Variants in SLC5A4 observed in about 807,000 individuals in gnomAD.
SLC5A4 encodes the protein probable glucose sensor protein SLC5A4.
SLC5A4 carries 55 observed loss-of-function variants against 70.3 expected under a neutral mutation model. The observed-to-expected ratio is 0.78, with a 90% confidence interval of 0.63 to 0.98. The LOEUF (loss-of-function observed/expected upper bound fraction) is 0.98. Among genes scored for constraint, SLC5A4 ranks in the 50% least tolerant of loss-of-function variants. The pLI is 0.00. For synonymous variants in SLC5A4, 268 were observed against 305.7 expected, an observed-to-expected ratio of 0.88 and a Z score of 1.29; for missense variants, 735 against 839.2, an observed-to-expected ratio of 0.88 and a Z score of 1.53.
chr22:32,346,752 T>C, the SLC5A4 span, among the ~76,000 whole-genome samples: 119 of 146,238 alleles, frequency 8.1e-4, no homozygotes, highest in Non-Finnish European at 1.5e-3. Context: ...ATAAAAACCC[T>C]AGAAGAAAAC....
upstream of SLC5A4, among the ~76,000 whole-genome samples, chr22:32,257,659 C>CTT (rs58908133): frequency 8.5e-5 from 12 of 141,932 alleles, no homozygotes; most frequent in African/African-American, 3.2e-4. Flanking sequence ...GCAAGGTTTT[C>CTT]TTTTTTTTTT....
At chr22:32,309,272 A>T in the SLC5A4 span, among the ~76,000 whole-genome samples, 1 of 152,214 alleles carries the variant, frequency 6.6e-6, no homozygotes, top group Non-Finnish European at 1.5e-5. Context: ...CTCGTGAATC[A>T]CACACAGTTC....
At chr22:32,341,401 C>T in the SLC5A4 span, among the ~76,000 whole-genome samples, 1 of 152,020 alleles carries the variant, frequency 6.6e-6, no homozygotes, top group African/African-American at 2.4e-5. Context: ...TTCCCCTCAG[C>T]CCCTCCCTCC....
the SLC5A4 span, among the ~76,000 whole-genome samples, chr22:32,289,323 C>A: frequency 6.6e-6 from 1 of 152,116 alleles, no homozygotes; most frequent in African/African-American, 2.4e-5. Flanking sequence ...TGTGTCCTCA[C>A]CCAAATCTCA....
the SLC5A4 span, among the ~76,000 whole-genome samples, chr22:32,335,562 A>G: frequency 6.6e-6 from 1 of 151,976 alleles, no homozygotes; most frequent in East Asian, 1.9e-4. Context: ...GGTGGAGCTC[A>G]TTTGCTCTCT....
the SLC5A4 span, among the ~76,000 whole-genome samples, chr22:32,334,358 G>A: frequency 2.0e-4 from 30 of 152,188 alleles, no homozygotes; most frequent in African/African-American, 6.0e-4. Context: ...GCAACACCAC[G>A]TGTCTCTTGG....
chr22:32,335,576 C>A, the SLC5A4 span, among the ~76,000 whole-genome samples: 1 of 152,168 alleles, frequency 6.6e-6, no homozygotes, highest in Admixed American at 6.5e-5. Context: ...GCTCTCTGTG[C>A]CTACATCCAC....
the SLC5A4 span, among the ~76,000 whole-genome samples, chr22:32,352,438 CA>C: frequency 6.6e-6 from 1 of 151,524 alleles, no homozygotes; most frequent in Non-Finnish European, 1.5e-5. Flanking sequence ...ACTACCCTGA[CA>C]AAAAACCAAG....
chr22:32,221,775 G>A (rs1057420735), intron 13 of SLC5A4, among the ~76,000 whole-genome samples: 6 of 152,036 alleles, frequency 3.9e-5, no homozygotes, highest in African/African-American at 7.2e-5. Flanking sequence ...CAATAAGAAG[G>A]AGTTTCCATC....
the SLC5A4 span, among the ~76,000 whole-genome samples, chr22:32,333,196 A>ACCCCCCCCCC: frequency 2.2e-5 from 3 of 136,806 alleles, no homozygotes; most frequent in Non-Finnish European, 4.8e-5. Flanking sequence ...TAGCACTGGC[A>ACCCCCCCCCC]CCCCCCCCCC....
the SLC5A4 span, chr22:32,272,887 GTGC>G: frequency 1.9e-6 from 1 of 514,426 alleles, no homozygotes; most frequent in Non-Finnish European, 3.8e-6. Flanking sequence ...GCTGCTGAAC[GTGC>G]TGCCACACCA....
At chr22:32,346,388 C>T in the SLC5A4 span, among the ~76,000 whole-genome samples, 4 of 152,114 alleles carry the variant, frequency 2.6e-5, no homozygotes, top group East Asian at 7.7e-4. Flanking sequence ...AAAGAGCCCA[C>T]ATCGCCAAGT....
the SLC5A4 span, among the ~76,000 whole-genome samples, chr22:32,298,910 A>T: frequency 2.5e-4 from 25 of 98,088 alleles, no homozygotes; most frequent in East Asian, 6.0e-4. Context: ...TCCTTCACTT[A>T]TGAAGCTTAG....
the SLC5A4 span, among the ~76,000 whole-genome samples, chr22:32,347,200 AAAC>A: frequency 1.5e-4 from 23 of 152,276 alleles, no homozygotes; most frequent in African/African-American, 5.5e-4. Context: ...AAAAGTCAGG[AAAC>A]AACAGGTGCT....
chr22:32,325,474 C>G, the SLC5A4 span, among the ~76,000 whole-genome samples: 1 of 152,308 alleles, frequency 6.6e-6, no homozygotes, highest in East Asian at 1.9e-4. Context: ...CAGCCAAGGC[C>G]ATTCAGAGGA....
At chr22:32,270,886 C>T in the SLC5A4 span, 5 of 556,436 alleles carry the variant, frequency 9.0e-6, no homozygotes, top group Middle Eastern at 3.5e-4. Flanking sequence ...ATCAGCCCAA[C>T]GTGATCACGC....
At position 32,218,689 on chromosome 22, in the gene SLC5A4, G is replaced by A. The variant is rs1924876915; in HGVS notation, c.1805C>T (p.Ala602Val). The change falls in exon 15 of 15, where the codon GCT becomes GTT. Residue 602 changes from alanine (A) to valine (V), a missense_variant. Physicochemically the swap from Ala to Val is moderately conservative, Grantham distance 64. Transcript: ENST00000266086. Reference sequence around the variant, plus strand: ...CTGCAAACCGCAGAACAAGTCATAAGCTTTCTTGAGGCATCCACGTGATTT... The same window carrying A: ...CTGCAAACCGCAGAACAAGTCATAAACTTTCTTGAGGCATCCACGTGATTT... ...PEKSRGCLKK[A>V]YDLFCGLQKG... 1 of 1,613,980 alleles carries A rather than the reference G, an allele frequency of 6.2e-7. No homozygotes were observed. Among genetic ancestry groups the A allele is most frequent in the South Asian group, 1.1e-5 (1 of 91,070 alleles).
At chr22:32,346,372 A>G in the SLC5A4 span, among the ~76,000 whole-genome samples, 849 of 152,290 alleles carry the variant, frequency 5.6e-3, 3 homozygotes, top group Non-Finnish European at 9.1e-3. Context: ...TTCATATGTA[A>G]CCAAAAAAGA....
the SLC5A4 span, among the ~76,000 whole-genome samples, chr22:32,350,380 G>T: frequency 6.6e-6 from 1 of 152,142 alleles, no homozygotes; most frequent in East Asian, 1.9e-4. Context: ...CCCAGTCACT[G>T]ATGCACTTGG....
Sources: gnomAD v4.1 joint callset for allele counts (sites outside exome capture counted in the v4.1 genomes callset) on GRCh38, gnomAD v4.1.1 for gene constraint, MANE v1.5 for transcripts, NCBI Gene and HGNC (gene_info 2026-07-23, HGNC 2026-07-21) for gene names.